The following TRDMT1 variants were observed in gnomAD, a reference collection of about 807,000 sequenced individuals.
TRDMT1 encodes tRNA aspartic acid methyltransferase 1, also known as tRNA (cytosine(38)-C(5))-methyltransferase.
A neutral mutation model predicts 51.2 loss-of-function variants in TRDMT1; 49 were observed. The observed-to-expected ratio is 0.96, with a 90% CI of 0.76 to 1.21. The LOEUF is 1.21. TRDMT1 is among the 50% of genes most tolerant of loss of function. The pLI is 0.00. For missense variants in TRDMT1, 534 were observed against 462.3 expected (o/e 1.16, Z -1.42); for synonymous variants, 187 against 164.6 (o/e 1.14, Z -1.04).
intron 10 of TRDMT1, among the ~76,000 whole-genome samples, chr10:17,152,658 G>C (rs1838906805): frequency 6.6e-6 from 1 of 152,150 alleles, no homozygotes; most frequent in Non-Finnish European, 1.5e-5. Context: ...GCCCACCCCA[G>C]GCCTAAGAAA....
In TRDMT1 at chr10:17,145,932, C is replaced by T; in HGVS notation, c.*3108G>A. On this transcript the variant is annotated 3_prime_UTR_variant, in exon 11 of 11. Coordinates refer to ENST00000377799, the MANE Select transcript of TRDMT1 (RefSeq NM_004412.7). Reference sequence around the variant, plus strand: ...TTCATTTCTCTCTCCTCAGAAGTCTCCAGCTTAATCACTCTAGACCTCAAC... The same window carrying T: ...TTCATTTCTCTCTCCTCAGAAGTCTTCAGCTTAATCACTCTAGACCTCAAC... The T allele has an allele frequency of 1.0e-6, 1 of 985,412 alleles. No homozygotes were observed. The highest frequency in any genetic ancestry group is 1.2e-6 in the Non-Finnish European group (1 of 829,936). The allele number at this position is 985,412 out of a possible 1,614,324, so 61.0% of individuals were successfully genotyped here. A position where few individuals can be genotyped will look rare whatever the true frequency, so the allele number is the denominator to read the frequency against.
At chr10:17,186,355 T>C (rs1843926751) in intron 1 of TRDMT1, among the ~76,000 whole-genome samples, 1 of 152,054 alleles carries the variant, frequency 6.6e-6, no homozygotes, top group Admixed American at 6.6e-5. Context: ...ATTATGCACG[T>C]GGGCCCAGTA....
chr10:17,189,467 GA>G (rs1472749137), intron 1 of TRDMT1, among the ~76,000 whole-genome samples: 4 of 152,094 alleles, frequency 2.6e-5, no homozygotes, highest in Non-Finnish European at 5.9e-5. Flanking sequence ...CAAAATTAAT[GA>G]AAAGAAATCT....
intron 1 of TRDMT1, among the ~76,000 whole-genome samples, chr10:17,200,000 T>C (rs1276571919): frequency 6.6e-6 from 1 of 152,222 alleles, no homozygotes; most frequent in Non-Finnish European, 1.5e-5. Flanking sequence ...CCCTGATGAA[T>C]ATGTAGTTAA....
Position 17,162,212 on chromosome 10 carries a change from C to A in TRDMT1, c.277G>T (p.Asp93Tyr). The change falls in exon 4 of 11, where the codon GAT becomes TAT. Residue 93 changes from aspartate (D) to tyrosine (Y), a missense_variant. Asp to Tyr is a radical substitution (Grantham distance 160, BLOSUM62 -3). Coordinates refer to ENST00000377799, the MANE Select transcript of TRDMT1 (RefSeq NM_004412.7). Reference protein sequence around the residue: ...TRIGRQGDMTDSRTNSFLHIL... With the variant: ...TRIGRQGDMTYSRTNSFLHIL... ...TGTAAGAAGCTATTCGTCCTTGAAT[C>A]AGTCATATCACCCTGCCGGCCAATC... 1 of 1,601,496 alleles carries A rather than the reference C, an allele frequency of 6.2e-7. No homozygotes were observed. The highest frequency in any genetic ancestry group is 1.1e-5 in the South Asian group (1 of 90,108).
intron 1 of TRDMT1, among the ~76,000 whole-genome samples, chr10:17,193,396 C>T (rs913263063): frequency 6.6e-6 from 1 of 152,206 alleles, no homozygotes; most frequent in East Asian, 1.9e-4. Flanking sequence ...TTATTTTATA[C>T]CTAGAATACT....
At chr10:17,194,134 T>C (rs1173644086) in intron 1 of TRDMT1, among the ~76,000 whole-genome samples, 2 of 152,220 alleles carry the variant, frequency 1.3e-5, no homozygotes, top group South Asian at 2.1e-4. Flanking sequence ...ACCCCTACCT[T>C]TCACCATATA....
chr10:17,164,560 G>A (rs1389180995), intron 3 of TRDMT1, among the ~76,000 whole-genome samples: 2 of 152,152 alleles, frequency 1.3e-5, no homozygotes, highest in Non-Finnish European at 2.9e-5. Context: ...ATTCAGTTAG[G>A]AAAAGAGGAA....
chr10:17,182,834 G>C (rs1843439743), intron 1 of TRDMT1, among the ~76,000 whole-genome samples: 1 of 152,070 alleles, frequency 6.6e-6, no homozygotes, highest in African/African-American at 2.4e-5. Context: ...TTCATTACAA[G>C]CAATTCAAAA....
At position 17,147,415 on chromosome 10, in the gene TRDMT1, T is replaced by G. The variant is rs1206490206; in HGVS notation, c.*1625A>C. On this transcript the variant is annotated 3_prime_UTR_variant, in exon 11 of 11. Transcript: ENST00000377799. ...CAGTAAAATATACATAATGTAAAAT[T>G]TATCATTTTAACTATTTTTAAATAT... 3.4e-6 allele frequency: 3 copies of G among 887,768 alleles called. No homozygotes were observed. The highest frequency in any genetic ancestry group is 1.8e-5 in the African/African-American group (1 of 55,278). The allele number at this position is 887,768 out of a possible 1,614,324, so 55.0% of individuals were successfully genotyped here.
chr10:17,187,515 C>T (rs79015540), intron 1 of TRDMT1, among the ~76,000 whole-genome samples: 4,625 of 152,178 alleles, frequency 0.03, 218 homozygotes, highest in African/African-American at 0.1. Context: ...GAGCATCCAA[C>T]ATACAATGGT....
At chr10:17,175,609 G>A (rs539856136) in intron 1 of TRDMT1, among the ~76,000 whole-genome samples, 56 of 150,822 alleles carry the variant, frequency 3.7e-4, no homozygotes, top group African/African-American at 1.3e-3. Flanking sequence ...CCAAGTAGCC[G>A]ATTCTTTAAT....
chr10:17,137,608 G>A lies in TRDMT1; in HGVS notation c.*11432C>T, dbSNP rs1837453356. The A allele has an allele frequency of 6.6e-6, 1 of 152,220 alleles. No homozygotes were observed. The highest frequency in any genetic ancestry group is 2.1e-4 in the South Asian group (1 of 4,828). 9.4% of individuals were successfully genotyped at this position (152,220 alleles called of 1,614,324 possible). A position where few individuals can be genotyped will look rare whatever the true frequency, so the allele number is the denominator to read the frequency against. On this transcript the variant is annotated 3_prime_UTR_variant, in exon 11 of 11. Transcript: ENST00000377799. ...GCACTTTGGGAGGCCAAGGCGGGCTGATCATTTGAGGTCAGGAATTTGAGA... is the reference window on the plus strand; with the variant it reads ...GCACTTTGGGAGGCCAAGGCGGGCTAATCATTTGAGGTCAGGAATTTGAGA...
In TRDMT1 at chr10:17,162,247, T is replaced by TAAAAAAAAAAAA. The variant is rs61159799; in HGVS notation, c.252-22_252-11dup. On this transcript the variant is annotated splice_polypyrimidine_tract_variant and intron_variant, in intron 3 of 10. Coordinates refer to ENST00000377799, the MANE Select transcript of TRDMT1 (RefSeq NM_004412.7). The stretch of plus-strand genomic sequence containing the variant: ...ACCCTGCCGGCCAATCCTAAAGGGG[T>TAAAAAAAAAAAA]AAAAAAAAAAAAAAACAAAAAAAAA... 4.4e-6 allele frequency: 6 copies of TAAAAAAAAAAAA among 1,352,668 alleles called. No homozygotes were observed. Among genetic ancestry groups the TAAAAAAAAAAAA allele is most frequent in the East Asian group, 5.1e-5 (2 of 39,452 alleles). The allele number at this position is 1,352,668 out of a possible 1,614,324, so 83.8% of individuals were successfully genotyped here.
Position 17,144,892 on chromosome 10 carries a change from G to A in TRDMT1, c.*4148C>T. ...GTGAAAGGGAAAATGATGCACACAG[G>A]TTGACTCATGCAAACTGAAACTAAA... On this transcript the variant is annotated 3_prime_UTR_variant, in exon 11 of 11. Coordinates refer to ENST00000377799, the MANE Select transcript of TRDMT1 (RefSeq NM_004412.7). 1 of 985,190 alleles carries A rather than the reference G, an allele frequency of 1.0e-6. No individual in the cohort carries two copies. Among genetic ancestry groups the A allele is most frequent in the Non-Finnish European group, 1.2e-6 (1 of 829,896 alleles). 61.0% of individuals were successfully genotyped at this position (985,190 alleles called of 1,614,324 possible).
chr10:17,146,011 C>T lies in TRDMT1; in HGVS notation c.*3029G>A. The stretch of plus-strand genomic sequence containing the variant: ...TGGTGATTTCTGCTGAGAACTTCCA[C>T]CCCTACCAATGCGTTGAATTGCCTG... On this transcript the variant is annotated 3_prime_UTR_variant, in exon 11 of 11. Coordinates refer to ENST00000377799, the MANE Select transcript of TRDMT1 (RefSeq NM_004412.7). 1.0e-6 allele frequency: 1 copy of T among 985,444 alleles called. No homozygotes were observed. The highest frequency in any genetic ancestry group is 4.7e-5 in the South Asian group (1 of 21,282). 61.0% of individuals were successfully genotyped at this position (985,444 alleles called of 1,614,324 possible). A position where few individuals can be genotyped will look rare whatever the true frequency, so the allele number is the denominator to read the frequency against.
In TRDMT1 at chr10:17,139,086, G is replaced by A. The variant is rs184640781; in HGVS notation, c.*9954C>T. On this transcript the variant is annotated 3_prime_UTR_variant, in exon 11 of 11. Coordinates refer to ENST00000377799, the MANE Select transcript of TRDMT1 (RefSeq NM_004412.7). ...GCTTTCTCTACCTCCAACAGCTCCCGGAATGGGGACTTCAGCAGCTCCATT... is the reference window on the plus strand; with the variant it reads ...GCTTTCTCTACCTCCAACAGCTCCCAGAATGGGGACTTCAGCAGCTCCATT... The A allele has an allele frequency of 2.3e-5, 18 of 797,648 alleles. No individual in the cohort carries two copies. The highest frequency in any genetic ancestry group is 2.6e-5 in the Non-Finnish European group (17 of 658,244). 49.4% of individuals were successfully genotyped at this position (797,648 alleles called of 1,614,324 possible).
intron 1 of TRDMT1, among the ~76,000 whole-genome samples, chr10:17,186,508 C>G (rs1213540298): frequency 1.3e-5 from 2 of 152,044 alleles, no homozygotes; most frequent in African/African-American, 4.8e-5. Context: ...CTATGGGCAG[C>G]CCCTAGAAGC....
At position 17,161,550 on chromosome 10, in the gene TRDMT1, T is replaced by G. The variant is rs1161177814; in HGVS notation, c.324-2A>C. 8.0e-7 allele frequency: 1 copy of G among 1,250,256 alleles called. No homozygotes were observed. The highest frequency in any genetic ancestry group is 2.7e-5 in the East Asian group (1 of 36,798). 77.4% of individuals were successfully genotyped at this position (1,250,256 alleles called of 1,614,324 possible). On this transcript the variant is annotated splice_acceptor_variant, in intron 4 of 10. Transcript: ENST00000377799. LOFTEE classifies it high-confidence loss of function. The stretch of plus-strand genomic sequence containing the variant: ...ATATACTTTGGTAATTTTTGTAATC[T>G]ATAAAAAAATAAACAAATGGAATTC...
Sources: gnomAD v4.1 joint callset for allele counts (sites outside exome capture counted in the v4.1 genomes callset) on GRCh38, gnomAD v4.1.1 for gene constraint, MANE v1.5 for transcripts, NCBI Gene and HGNC (gene_info 2026-07-23, HGNC 2026-07-21) for gene names.